Variants in RANBP9 observed in about 807,000 individuals in gnomAD.
RANBP9 encodes ran-binding protein 9.
A neutral mutation model predicts 84.3 loss-of-function variants in RANBP9; 15 were observed. That is an observed-to-expected ratio of 0.18 (90% CI 0.12 to 0.27). The LOEUF (loss-of-function observed/expected upper bound fraction) is 0.27, where lower values mean the gene tolerates loss of function less well. Ranked by LOEUF, RANBP9 falls within the 10% of genes least tolerant of loss-of-function variation. The probability of loss-of-function intolerance (pLI) is 1.00; values close to 1 mark genes in which losing one functional copy is unlikely to be tolerated. For synonymous variants in RANBP9, 392 were observed against 349.6 expected (o/e 1.12, Z -1.35); for missense variants, 809 against 912.8 (o/e 0.89, Z 1.46).
intron 5 of RANBP9, among the ~76,000 whole-genome samples, chr6:13,647,468 G>A (rs1765196102): frequency 6.6e-6 from 1 of 151,962 alleles, no homozygotes; most frequent in African/African-American, 2.4e-5. Flanking sequence ...AAAAAGAACA[G>A]AATGAAAAAT....
intron 12 of RANBP9, 69 bp downstream of exon 12, chr6:13,632,301 A>T: frequency 6.7e-7 from 1 of 1,498,434 alleles, no homozygotes; most frequent in Non-Finnish European, 9.1e-7. Context: ...TACACTGCTC[A>T]GTGTTTCACA....
intron 1 of RANBP9, among the ~76,000 whole-genome samples, chr6:13,709,830 C>T (rs1339669115): frequency 1.3e-5 from 2 of 152,194 alleles, no homozygotes; most frequent in Non-Finnish European, 2.9e-5. Flanking sequence ...AAGAATTTAA[C>T]CACAAGGTTG....
intron 12 of RANBP9, among the ~76,000 whole-genome samples, chr6:13,628,848 T>C (rs949904454): frequency 5.9e-5 from 9 of 152,228 alleles, no homozygotes; most frequent in Admixed American, 1.3e-4. Flanking sequence ...AGTAGTGCCA[T>C]TGGTACATTC....
At chr6:13,640,766 A>G (rs1430116884) in intron 8 of RANBP9, among the ~76,000 whole-genome samples, 2 of 152,158 alleles carry the variant, frequency 1.3e-5, no homozygotes, top group South Asian at 2.1e-4. Context: ...AGTGTTTAAT[A>G]GAGAGTTTCA....
At chr6:13,666,377 G>A (rs539420772) in intron 2 of RANBP9, among the ~76,000 whole-genome samples, 13 of 152,032 alleles carry the variant, frequency 8.6e-5, no homozygotes, top group Admixed American at 1.3e-4. Flanking sequence ...CAAGGTTTAC[G>A]AAGGAAATGG....
intron 1 of RANBP9, among the ~76,000 whole-genome samples, chr6:13,710,062 T>C (rs1758234259): frequency 6.6e-6 from 1 of 152,200 alleles, no homozygotes; most frequent in African/African-American, 2.4e-5. Flanking sequence ...ATAGTTCCCA[T>C]AGCAATTCAT....
At chr6:13,705,741 T>C (rs948801146) in intron 1 of RANBP9, among the ~76,000 whole-genome samples, 1 of 151,790 alleles carries the variant, frequency 6.6e-6, no homozygotes, top group Non-Finnish European at 1.5e-5. Flanking sequence ...CAGGCGCATG[T>C]AGTCCCAGCT....
intron 11 of RANBP9, 125 bp downstream of exon 11, chr6:13,634,306 C>T (rs1354087859): frequency 8.4e-7 from 1 of 1,194,666 alleles, no homozygotes; most frequent in Non-Finnish European, 1.2e-6. Flanking sequence ...GCATTACTGT[C>T]AAGTCCTACA....
At chr6:13,638,070 T>G (rs563135556) in intron 9 of RANBP9, 115 bp from the exon 10 acceptor site, 1 of 917,384 alleles carries the variant, frequency 1.1e-6, no homozygotes, top group Non-Finnish European at 1.5e-6. Flanking sequence ...GGAGAGTCAA[T>G]GGATGATGTA....
At chr6:13,635,315 T>C (rs1468679989) in intron 10 of RANBP9, among the ~76,000 whole-genome samples, 1 of 152,202 alleles carries the variant, frequency 6.6e-6, no homozygotes. Context: ...AAGCTGTCAA[T>C]GTATGTCCTT....
chr6:13,636,178 A>C (rs1584914951), intron 10 of RANBP9, among the ~76,000 whole-genome samples: 1 of 152,180 alleles, frequency 6.6e-6, no homozygotes, highest in Admixed American at 6.5e-5. Flanking sequence ...TCAGGGAAAA[A>C]GCACAAGTTT....
chr6:13,641,251 G>T lies in RANBP9; in HGVS notation c.1282C>A (p.Gln428Lys), dbSNP rs752079034. 2.5e-6 allele frequency: 4 copies of T among 1,604,204 alleles called. No homozygotes were observed. The highest frequency in any genetic ancestry group is 3.4e-6 in the Non-Finnish European group (4 of 1,175,750). ...CTTTCAAGTAAACTTGGGTATAACT[G>T]TTGTGTTGTTTCAATGGCTTCTCCC... ...RMGEAIETTQQLYPSLLERNP... is the reference protein window; with the variant it reads ...RMGEAIETTQKLYPSLLERNP... Residue 428 changes from glutamine to lysine, a missense_variant, in exon 8 of 14, where the codon CAG becomes AAG. By Grantham distance (53) the Gln-to-Lys change is moderately conservative. This residue lies in a region of RANBP9 where 216 missense variants were observed against 329.0 expected (regional missense o/e 0.66). Coordinates refer to ENST00000011619, the MANE Select transcript of RANBP9 (RefSeq NM_005493.3).
At chr6:13,625,086 C>CT (rs1764564097) in intron 13 of RANBP9, among the ~76,000 whole-genome samples, 1 of 152,152 alleles carries the variant, frequency 6.6e-6, no homozygotes, top group Non-Finnish European at 1.5e-5. Flanking sequence ...CACTCCCTTA[C>CT]TTCCATTTTC....
intron 8 of RANBP9, among the ~76,000 whole-genome samples, chr6:13,639,962 TATAATA>T (rs557882703): frequency 6.6e-6 from 1 of 152,186 alleles, no homozygotes; most frequent in Non-Finnish European, 1.5e-5. Context: ...TAATAGACAC[TATAATA>T]ATATTACCCC....
chr6:13,666,051 T>C (rs1584931482), intron 2 of RANBP9, among the ~76,000 whole-genome samples: 2 of 152,286 alleles, frequency 1.3e-5, no homozygotes, highest in Admixed American at 1.3e-4. Flanking sequence ...TTGTATTTCA[T>C]GGGCATACAC....
intron 2 of RANBP9, among the ~76,000 whole-genome samples, chr6:13,664,910 A>C (rs1223779435): frequency 6.6e-6 from 1 of 152,216 alleles, no homozygotes; most frequent in Non-Finnish European, 1.5e-5. Flanking sequence ...TGGCTTAAGG[A>C]TCAACAAATA....
chr6:13,679,146 T>C (rs1765969049), intron 2 of RANBP9, among the ~76,000 whole-genome samples: 1 of 152,196 alleles, frequency 6.6e-6, no homozygotes, highest in African/African-American at 2.4e-5. Context: ...TACCACATTC[T>C]TCCCAAAGCA....
At chr6:13,623,886 A>T (rs1282563146) in intron 13 of RANBP9, among the ~76,000 whole-genome samples, 1 of 151,844 alleles carries the variant, frequency 6.6e-6, no homozygotes, top group Non-Finnish European at 1.5e-5. Flanking sequence ...AATGGTGCTC[A>T]ACAATTAAAT....
intron 2 of RANBP9, among the ~76,000 whole-genome samples, chr6:13,679,485 A>G (rs1765979169): frequency 6.6e-6 from 1 of 152,206 alleles, no homozygotes; most frequent in South Asian, 2.1e-4. Context: ...AAAACACAAA[A>G]TAACTTGTTA....
Sources: gnomAD v4.1 joint callset for allele counts (sites outside exome capture counted in the v4.1 genomes callset) on GRCh38, gnomAD v4.1.1 for gene constraint, gnomAD v4.1.1 regional missense constraint, MANE v1.5 for transcripts, NCBI Gene and HGNC (gene_info 2026-07-23, HGNC 2026-07-21) for gene names.